Variants in APLP2 observed in about 807,000 individuals in gnomAD.
APLP2 encodes amyloid beta precursor like protein 2.
Under a neutral mutation model 89.9 loss-of-function variants are expected in APLP2, and 53 were observed. The ratio of observed to expected loss-of-function variants is 0.59; its 90% CI spans 0.47 to 0.74. The LOEUF (loss-of-function observed/expected upper bound fraction) is 0.74, where lower values mean the gene tolerates loss of function less well. Among genes scored for constraint, APLP2 ranks in the 30% least tolerant of loss-of-function variants. The pLI, the probability that APLP2 is intolerant of heterozygous loss-of-function variation, is 0.00. For missense variants in APLP2, 973 were observed against 975.9 expected (o/e 1.00, Z 0.04); for synonymous variants, 372 against 348.6 (o/e 1.07, Z -0.75).
rs546710538 is a variant in APLP2, at chr11:130,089,771, G to C, written c.106-19658G>C. On this transcript the variant is annotated intron_variant, in intron 1 of 16. Transcript: ENST00000338167. ...TAACAAAGGGCCTGTTCCAGGCCTC[G>C]CTCTTGGCTTTTGGCAGCGTAACTC... Among the ~76,000 whole-genome samples the C allele has an allele frequency of 2.0e-5, 3 of 152,360 alleles. No homozygotes were observed. The South Asian group carries it at 6.2e-4, about 32-fold the overall frequency.
chr11:130,142,116 C>A, intron 16 of APLP2, 42 bp downstream of exon 16: 1 of 1,564,168 alleles, frequency 6.4e-7, no homozygotes. Context: ...GCACTGTGGG[C>A]TGGGTTGGGG....
chr11:130,135,456 G>A (rs1951459537), intron 12 of APLP2, 107 bp from the exon 13 acceptor site: 1 of 1,300,216 alleles, frequency 7.7e-7, no homozygotes, highest in Non-Finnish European at 1.1e-6. Flanking sequence ...GGTGTTTCAG[G>A]CAGGAACTGG....
intron 1 of APLP2, among the ~76,000 whole-genome samples, chr11:130,081,508 G>A (rs1943147911): frequency 6.6e-6 from 1 of 152,160 alleles, no homozygotes; most frequent in South Asian, 2.1e-4. Flanking sequence ...GATAACTGGT[G>A]CTTTTTTGGT....
At chr11:130,093,753 T>A (rs1388086911) in intron 1 of APLP2, among the ~76,000 whole-genome samples, 1 of 152,026 alleles carries the variant, frequency 6.6e-6, no homozygotes. Context: ...TTTATTTATT[T>A]TTTTTTTTGA....
intron 1 of APLP2, among the ~76,000 whole-genome samples, chr11:130,104,206 C>CTTTTT (rs59598831): frequency 1.6e-4 from 12 of 76,988 alleles, no homozygotes; most frequent in Non-Finnish European, 2.3e-4. Flanking sequence ...TGGTACACAT[C>CTTTTT]TTTTTTTTTT....
chr11:130,127,990 A>G lies in APLP2; in HGVS notation c.1296+150A>G, dbSNP rs1283182767. Reference sequence around the variant, plus strand: ...TGTAACTGGCCTGTTTTTCTTTTTCACCTCAAGTATTGCTAACCTATGGTA... The same window carrying G: ...TGTAACTGGCCTGTTTTTCTTTTTCGCCTCAAGTATTGCTAACCTATGGTA... On this transcript the variant is annotated intron_variant, in intron 9 of 16. Coordinates refer to ENST00000338167, the MANE Select transcript of APLP2 (RefSeq NM_001142276.2). The G allele has an allele frequency of 1.3e-5, 9 of 666,666 alleles. No homozygotes were observed. In the Admixed American group the frequency reaches 2.2e-4, roughly 16 times the overall value. The allele number at this position is 666,666 out of a possible 1,614,324, so 41.3% of individuals were successfully genotyped here. A position where few individuals can be genotyped will look rare whatever the true frequency, so the allele number is the denominator to read the frequency against.
Position 130,143,398 on chromosome 11 carries a change from C to A in APLP2, c.2206C>A (p.His736Asn), listed in dbSNP as rs143171152. 74 of 1,613,970 alleles carry A rather than the reference C, an allele frequency of 4.6e-5. No individual in the cohort carries two copies. The highest frequency in any genetic ancestry group is 5.6e-5 in the Non-Finnish European group (66 of 1,179,992). ...EERHLNKMQN[H>N]GYENPTYKYL... is the part of the protein sequence containing the mutation. ...GCGTCACCTGAACAAGATGCAGAACCATGGCTATGAGAACCCCACCTACAA... is the reference window on the plus strand; with the variant it reads ...GCGTCACCTGAACAAGATGCAGAACAATGGCTATGAGAACCCCACCTACAA... The change falls in exon 17 of 17, where the codon CAT becomes AAT. Residue 736 changes from histidine (H) to asparagine (N), a missense_variant. Transcript: ENST00000338167.
chr11:130,104,500 G>A (rs1447032662), intron 1 of APLP2, among the ~76,000 whole-genome samples: 2 of 152,072 alleles, frequency 1.3e-5, no homozygotes, highest in African/African-American at 2.4e-5. Flanking sequence ...TTACAGGTGT[G>A]AGCCACCGTG....
chr11:130,133,678 C>T lies in APLP2; in HGVS notation c.1634C>T (p.Ser545Phe). Residue 545 changes from serine (S) to phenylalanine (F), a missense_variant, in exon 12 of 17, where the codon TCT (serine) becomes TTT (phenylalanine). Physicochemically the swap from Ser to Phe is radical, Grantham distance 155 (BLOSUM62 -2). Transcript: ENST00000338167. ...GAAGAAAGGAGGAACCAAAGCCTCT[C>T]TCTGCTCTACAAAGTACCTTATGTA... ...VIEERRNQSL[S>F]LLYKVPYVAQ... 1 of 1,614,204 alleles carries T rather than the reference C, an allele frequency of 6.2e-7. No individual in the cohort carries two copies. Among genetic ancestry groups the T allele is most frequent in the Non-Finnish European group, 8.5e-7 (1 of 1,180,016 alleles).
At chr11:130,137,880 C>T (rs865917168) in intron 13 of APLP2, among the ~76,000 whole-genome samples, 1 of 152,190 alleles carries the variant, frequency 6.6e-6, no homozygotes, top group Non-Finnish European at 1.5e-5. Flanking sequence ...GTTAACGTTC[C>T]GTAAAGCACT....
At chr11:130,121,913 C>T (rs1949870586) in intron 5 of APLP2, 103 bp downstream of exon 5, 3 of 1,501,118 alleles carry the variant, frequency 2.0e-6, no homozygotes, top group Admixed American at 3.9e-5. Context: ...ATAAACTGGG[C>T]ATTCCTTTGT....
At chr11:130,070,983 G>T (rs964604755) in intron 1 of APLP2, among the ~76,000 whole-genome samples, 11 of 152,234 alleles carry the variant, frequency 7.2e-5, no homozygotes, top group Non-Finnish European at 1.5e-4. Context: ...GGAGCGGGCA[G>T]CCTTGGAGGA....
intron 1 of APLP2, among the ~76,000 whole-genome samples, chr11:130,084,316 G>A (rs1483427323): frequency 6.6e-6 from 1 of 151,994 alleles, no homozygotes; most frequent in African/African-American, 2.4e-5. Context: ...TTCTGTTAAT[G>A]TGATATGCCA....
At chr11:130,085,493 G>A (rs575668525) in intron 1 of APLP2, among the ~76,000 whole-genome samples, 142 of 151,796 alleles carry the variant, frequency 9.4e-4, no homozygotes, top group African/African-American at 3.4e-3. Context: ...AAAAAACTTC[G>A]AACTAAGGAA....
At chr11:130,120,890 C>A in intron 4 of APLP2, 72 bp downstream of exon 4, 1 of 1,030,766 alleles carries the variant, frequency 9.7e-7, no homozygotes, top group Non-Finnish European at 1.5e-6. Context: ...TTCTCCAAAT[C>A]TCACCATGCT....
chr11:130,074,201 G>T (rs12420073), intron 1 of APLP2, among the ~76,000 whole-genome samples: 17,050 of 151,860 alleles, frequency 0.11, 1,237 homozygotes, highest in East Asian at 0.25. Flanking sequence ...AACATGTTTT[G>T]TTGTTGTTGT....
rs1306568419 is a variant in APLP2, at chr11:130,121,830, CTG to C, written c.713+23_713+24del. 1 of 1,601,714 alleles carries C rather than the reference CTG, an allele frequency of 6.2e-7. No homozygotes were observed. The highest frequency in any genetic ancestry group is 1.1e-5 in the South Asian group (1 of 90,680). On this transcript the variant is annotated intron_variant, in intron 5 of 16. Transcript: ENST00000338167. ...TAAAAGGTAACTCTTCTACTTTGAACTGTGAAGTCGTTTTGCCTTTTTGTTAG... is the reference window on the plus strand; with the variant it reads ...TAAAAGGTAACTCTTCTACTTTGAACTGAAGTCGTTTTGCCTTTTTGTTAG...
At chr11:130,111,579 G>A (rs1339165978) in intron 3 of APLP2, among the ~76,000 whole-genome samples, 1 of 152,154 alleles carries the variant, frequency 6.6e-6, no homozygotes, top group African/African-American at 2.4e-5. Context: ...ATTCTCACGT[G>A]TAGCCAAGCC....
chr11:130,143,462 C>G lies in APLP2; in HGVS notation c.*14C>G. The G allele has an allele frequency of 6.2e-7, 1 of 1,608,750 alleles. No individual in the cohort carries two copies. Among genetic ancestry groups the G allele is most frequent in the Non-Finnish European group, 8.5e-7 (1 of 1,175,524 alleles). On this transcript the variant is annotated 3_prime_UTR_variant, in exon 17 of 17. Transcript: ENST00000338167. ...ATGCAGATTTAGGTGGCAGGGAGCGCGGCAGCCCTGGCGGAGGGATGCAGG... is the reference window on the plus strand; with the variant it reads ...ATGCAGATTTAGGTGGCAGGGAGCGGGGCAGCCCTGGCGGAGGGATGCAGG...
Sources: gnomAD v4.1 joint callset for allele counts (sites outside exome capture counted in the v4.1 genomes callset) on GRCh38, gnomAD v4.1.1 for gene constraint, MANE v1.5 for transcripts, NCBI Gene and HGNC (gene_info 2026-07-23, HGNC 2026-07-21) for gene names.